The following CCT3 variants were observed in gnomAD, a reference collection of about 807,000 sequenced individuals.
The protein encoded by CCT3 is T-complex protein 1 subunit gamma.
CCT3 carries 10 observed loss-of-function variants against 65.3 expected under a neutral mutation model. That is an observed-to-expected ratio of 0.15 (90% CI 0.09 to 0.26). The LOEUF (loss-of-function observed/expected upper bound fraction) is 0.26. CCT3 is among the 10% of genes least tolerant of loss of function. CCT3 has a pLI of 1.00. For synonymous variants in CCT3, 225 were observed against 242.3 expected (o/e 0.93, Z 0.66); for missense variants, 626 against 708.7 (o/e 0.88, Z 1.33).
chr1:156,317,556 T>C lies in CCT3; in HGVS notation c.760-9A>G, dbSNP rs1664359947. On this transcript the variant is annotated splice_polypyrimidine_tract_variant and intron_variant, in intron 8 of 13. Transcript: ENST00000295688. The stretch of plus-strand genomic sequence containing the variant: ...GTAATCTCAATGTCAGTCTGTGTGG[T>C]AAAGAAAAGACACTGATTTTAAAAT... The C allele has an allele frequency of 6.2e-7, 1 of 1,608,086 alleles. No homozygotes were observed. The highest frequency in any genetic ancestry group is 8.5e-7 in the Non-Finnish European group (1 of 1,175,678).
chr1:156,327,760 T>A (rs1465733242), intron 5 of CCT3, among the ~76,000 whole-genome samples: 170 of 149,320 alleles, frequency 1.1e-3, no homozygotes, highest in Middle Eastern at 0.011. Context: ...TCGTCTGGGA[T>A]GTGAGGAGCC....
intron 5 of CCT3, among the ~76,000 whole-genome samples, chr1:156,331,859 C>T (rs978980562): frequency 1.3e-5 from 2 of 151,504 alleles, no homozygotes; most frequent in African/African-American, 4.8e-5. Context: ...CATGAAGAAA[C>T]GCCGTCTCTA....
At position 156,317,902 on chromosome 1, in the gene CCT3, C is replaced by T. The variant is rs555755132; in HGVS notation, c.760-355G>A. 1.2e-4 allele frequency among the ~76,000 whole-genome samples: 18 copies of T among 151,916 alleles called. No homozygotes were observed. In the South Asian group the frequency reaches 3.5e-3, roughly 30 times the overall value. ...TTTTTTTTTGTATTTTTAGTAGAGA[C>T]GGGGTTTCACCACGTTAGCCAGGAT... On this transcript the variant is annotated intron_variant, in intron 8 of 13. Transcript: ENST00000295688.
intron 8 of CCT3, among the ~76,000 whole-genome samples, chr1:156,318,009 G>C (rs934711895): frequency 6.6e-6 from 1 of 151,514 alleles, no homozygotes; most frequent in Non-Finnish European, 1.5e-5. Context: ...ACCACGCCCG[G>C]CCAGCTCCAG....
chr1:156,316,617 T>C (rs1184078190), intron 10 of CCT3, among the ~76,000 whole-genome samples: 1 of 152,248 alleles, frequency 6.6e-6, no homozygotes, highest in Non-Finnish European at 1.5e-5. Context: ...TTTCAGGTAC[T>C]GGAAAGGCTG....
At chr1:156,326,868 T>C (rs1232274565) in intron 5 of CCT3, among the ~76,000 whole-genome samples, 1 of 151,898 alleles carries the variant, frequency 6.6e-6, no homozygotes. Flanking sequence ...GACAACATGG[T>C]GAAACTGTCT....
chr1:156,324,050 A>AC (rs1299835510), intron 6 of CCT3, among the ~76,000 whole-genome samples: 1 of 150,964 alleles, frequency 6.6e-6, no homozygotes, highest in African/African-American at 2.4e-5. Flanking sequence ...GGTGTGAGCC[A>AC]CCATGCCCAG....
intron 5 of CCT3, among the ~76,000 whole-genome samples, chr1:156,328,363 C>T (rs1290744530): frequency 1.3e-5 from 2 of 152,126 alleles, no homozygotes; most frequent in Non-Finnish European, 2.9e-5. Flanking sequence ...GTCTACCCAA[C>T]AGCTCATTGA....
intron 1 of CCT3, chr1:156,337,802 CA>C (rs11376291): frequency 1.2e-4 from 33 of 273,212 alleles, no homozygotes; most frequent in East Asian, 2.7e-4. Flanking sequence ...GAAAAAAAAA[CA>C]AAAAAAAACG....
intron 13 of CCT3, among the ~76,000 whole-genome samples, chr1:156,309,710 C>T (rs564324671): frequency 1.6e-4 from 24 of 151,630 alleles, no homozygotes; most frequent in Non-Finnish European, 3.1e-4. Flanking sequence ...ACAGGCGTGA[C>T]CCACCATGCC....
chr1:156,321,848 A>C (rs1664566061), intron 6 of CCT3, among the ~76,000 whole-genome samples: 1 of 152,156 alleles, frequency 6.6e-6, no homozygotes. Context: ...TCTCAAAAAA[A>C]CCCCAAAATA....
rs1292900030 is a variant in CCT3 at position 156,320,901 on chromosome 1, C to T, written c.547G>A (p.Val183Ile). 6.2e-7 allele frequency: 1 copy of T among 1,613,842 alleles called. No individual in the cohort carries two copies. Among genetic ancestry groups the T allele is most frequent in the South Asian group, 1.1e-5 (1 of 91,062 alleles). Residue 183 changes from valine (V) to isoleucine (I), a missense_variant, in exon 7 of 14, where the codon GTA becomes ATA. Transcript: ENST00000295688. The part of the protein sequence containing the change: ...CNIALDAVKM[V>I]QFEENGRKEI... ...TTCCGACCATTCTCCTCAAACTGTA[C>T]CATCTTGACAGCATCCAGGGCAATG...
intron 11 of CCT3, 115 bp downstream of exon 11, chr1:156,311,926 T>TAGG: frequency 1.4e-6 from 1 of 693,452 alleles, no homozygotes; most frequent in Non-Finnish European, 2.1e-6. Flanking sequence ...TTTGTGGCTA[T>TAGG]AGGTCCAAAT....
At chr1:156,330,124 ATGATTCAAC>A (rs1665046256) in intron 5 of CCT3, among the ~76,000 whole-genome samples, 1 of 152,210 alleles carries the variant, frequency 6.6e-6, no homozygotes, top group Admixed American at 6.5e-5. Flanking sequence ...CTATCTCTAG[ATGATTCAAC>A]TGAAATTATC....
At chr1:156,311,977 T>C (rs1664101694) in intron 11 of CCT3, 64 bp downstream of exon 11, 4 of 1,364,770 alleles carry the variant, frequency 2.9e-6, no homozygotes, top group Non-Finnish European at 3.9e-6. Context: ...TTTAGGCCCT[T>C]TGGGAAACTC....
intron 6 of CCT3, 149 bp from the exon 7 acceptor site, chr1:156,321,174 A>T (rs1365514800): frequency 3.2e-6 from 2 of 631,786 alleles, no homozygotes; most frequent in African/African-American, 3.7e-5. Flanking sequence ...GGACATTAGG[A>T]GGTAACCTTT....
chr1:156,324,299 C>T (rs539403672), intron 6 of CCT3, among the ~76,000 whole-genome samples: 1 of 151,946 alleles, frequency 6.6e-6, no homozygotes, highest in South Asian at 2.1e-4. Context: ...TAACTCCTGA[C>T]CTCGTGATCC....
rs550117716 is a variant in CCT3 at position 156,313,293 on chromosome 1, T to C, written c.975-1072A>G. Among the ~76,000 whole-genome samples the C allele has an allele frequency of 1.8e-3, 252 of 143,814 alleles. 1 individual carries two copies. Among genetic ancestry groups the C allele is most frequent in the Non-Finnish European group, 2.9e-3 (190 of 66,526 alleles). The allele number at this position is 143,814 out of a possible 152,430, so 94.3% of individuals were successfully genotyped here. A position where few individuals can be genotyped will look rare whatever the true frequency, so the allele number is the denominator to read the frequency against. Reference sequence around the variant, plus strand: ...AGCAGAGGTTGCAGCGAGCTGAGATTTCACCACTGCACTCCAGCCTGGGTG... The same window carrying C: ...AGCAGAGGTTGCAGCGAGCTGAGATCTCACCACTGCACTCCAGCCTGGGTG... On this transcript the variant is annotated intron_variant, in intron 10 of 13. Coordinates refer to ENST00000295688, the MANE Select transcript of CCT3 (RefSeq NM_005998.5).
chr1:156,309,017 C>T lies in CCT3; in HGVS notation c.*182G>A. On this transcript the variant is annotated 3_prime_UTR_variant, in exon 14 of 14. Transcript: ENST00000295688. ...GGAAGCAAACTAAATGGAAACCTTA[C>T]AATAGAGAAGAATTACATGTCAGTG... 1 of 554,658 alleles carries T rather than the reference C, an allele frequency of 1.8e-6. No homozygotes were observed. The highest frequency in any genetic ancestry group is 3.1e-5 in the Admixed American group (1 of 32,652). 34.4% of individuals were successfully genotyped at this position (554,658 alleles called of 1,614,324 possible).
Sources: gnomAD v4.1 joint callset for allele counts (sites outside exome capture counted in the v4.1 genomes callset) on GRCh38, gnomAD v4.1.1 for gene constraint, MANE v1.5 for transcripts, NCBI Gene and HGNC (gene_info 2026-07-23, HGNC 2026-07-21) for gene names.